Variants in NMS observed in about 807,000 individuals in gnomAD.
NMS encodes neuromedin S.
Under a neutral mutation model 32.2 loss-of-function variants are expected in NMS, and 30 were observed. That is an observed-to-expected ratio of 0.93 (90% CI 0.70 to 1.26). The LOEUF is 1.26. Among genes scored for constraint, NMS ranks in the 50% most tolerant of loss-of-function variants. The pLI, the probability that NMS is intolerant of heterozygous loss-of-function variation, is 0.00. For synonymous variants in NMS, 76 were observed against 58.5 expected (o/e 1.30, Z -1.37); for missense variants, 190 against 186.3 (o/e 1.02, Z -0.12).
chr2:100,479,226 T>A, intron 5 of NMS, 127 bp from the exon 6 acceptor site: 1 of 641,202 alleles, frequency 1.6e-6, no homozygotes, highest in Non-Finnish European at 2.5e-6. Context: ...AAAATGGGTT[T>A]TACTCTGAAA....
chr2:100,483,231 A>G (rs981465591), intron 9 of NMS, 21 bp from the exon 10 acceptor site: 3 of 1,610,206 alleles, frequency 1.9e-6, no homozygotes, highest in Non-Finnish European at 1.7e-6. Flanking sequence ...TGAGCAGTGC[A>G]TTTTTCTTTT....
chr2:100,473,481 T>G lies in NMS; in HGVS notation c.133-8T>G. ...CCTTTGATTTGTTTTCTTCATTTTA[T>G]TTTTTAGCAGCTGGCATATTGTCTG... is the stretch of plus-strand genomic sequence containing the variant. On this transcript the variant is annotated splice_polypyrimidine_tract_variant and splice_region_variant and intron_variant, in intron 2 of 9. Transcript: ENST00000376865. 1 of 1,483,050 alleles carries G rather than the reference T, an allele frequency of 6.7e-7. No homozygotes were observed. The highest frequency in any genetic ancestry group is 9.0e-7 in the Non-Finnish European group (1 of 1,106,900). 91.9% of individuals were successfully genotyped at this position (1,483,050 alleles called of 1,614,324 possible).
intron 3 of NMS, among the ~76,000 whole-genome samples, chr2:100,476,826 A>G (rs1677119570): frequency 6.6e-6 from 1 of 152,184 alleles, no homozygotes; most frequent in Non-Finnish European, 1.5e-5. Flanking sequence ...ATTCATGTAG[A>G]AAGCTTTTGG....
chr2:100,476,942 T>G (rs556936143), intron 3 of NMS, among the ~76,000 whole-genome samples: 7 of 152,312 alleles, frequency 4.6e-5, no homozygotes, highest in Non-Finnish European at 1.0e-4. Flanking sequence ...TGTAGTCAGA[T>G]GGTTATTTGC....
chr2:100,470,674 C>A, intron 1 of NMS, 110 bp downstream of exon 1: 1 of 849,722 alleles, frequency 1.2e-6, no homozygotes, highest in South Asian at 1.4e-5. Context: ...TTCTCCCCCG[C>A]CAGACCTTCT....
At position 100,470,599 on chromosome 2, in the gene NMS, A is replaced by C. The variant is rs754795140; in HGVS notation, c.76+35A>C. On this transcript the variant is annotated intron_variant, in intron 1 of 9. Transcript: ENST00000376865. ...GCTTCCTCAGACTCCATCTGGCCTA[A>C]ACTCTGAGGATGTCTGAGACAGACC... is the stretch of plus-strand genomic sequence containing the variant. 21 of 1,526,776 alleles carry C rather than the reference A, an allele frequency of 1.4e-5. No homozygotes were observed. In the South Asian group the frequency reaches 2.1e-4, roughly 15 times the overall value. The allele number at this position is 1,526,776 out of a possible 1,614,324, so 94.6% of individuals were successfully genotyped here. A position where few individuals can be genotyped will look rare whatever the true frequency, so the allele number is the denominator to read the frequency against.
Position 100,472,850 on chromosome 2 carries a change from GGTACCCAATTATTCA to G in NMS, c.132+4_132+18del, listed in dbSNP as rs750270675. The G allele has an allele frequency of 1.9e-5, 31 of 1,601,956 alleles. No individual in the cohort carries two copies. In the African/African-American group the frequency reaches 3.9e-4, roughly 20 times the overall value. The stretch of plus-strand genomic sequence containing the variant: ...ATGGCTTGGATATTGTGCAGCTTGA[GGTACCCAATTATTCA>G]GTAATGTGAGATTTTTGTTTAGTCT... On this transcript the variant is annotated splice_donor_variant and splice_donor_5th_base_variant and intron_variant, in intron 2 of 9. Transcript: ENST00000376865. LOFTEE classifies it high-confidence loss of function.
chr2:100,481,379 G>T (rs1302226849), intron 8 of NMS, among the ~76,000 whole-genome samples: 3 of 152,170 alleles, frequency 2.0e-5, no homozygotes, highest in African/African-American at 7.2e-5. Context: ...GAGGCTGAGA[G>T]CACCAGAGTA....
At chr2:100,471,539 T>C (rs1181338759) in intron 1 of NMS, among the ~76,000 whole-genome samples, 4 of 152,214 alleles carry the variant, frequency 2.6e-5, no homozygotes, top group Non-Finnish European at 4.4e-5. Flanking sequence ...TTTGCTCCAG[T>C]AGAGTCCTGT....
At chr2:100,470,866 G>A (rs1220889700) in intron 1 of NMS, among the ~76,000 whole-genome samples, 1 of 152,194 alleles carries the variant, frequency 6.6e-6, no homozygotes, top group African/African-American at 2.4e-5. Flanking sequence ...GTGAGTTAGG[G>A]GAAGATCCCA....
rs745968319 is a variant in NMS, at chr2:100,483,246, T to A, written c.450-6T>A. ...TGAGCAGTGCATTTTTCTTTTCTTT[T>A]TTTAGGATTCAGTGGTGAAAGAAAG... is the stretch of plus-strand genomic sequence containing the variant. On this transcript the variant is annotated splice_region_variant and splice_polypyrimidine_tract_variant and intron_variant, in intron 9 of 9. Transcript: ENST00000376865. The A allele has an allele frequency of 2.5e-6, 4 of 1,612,448 alleles. No homozygotes were observed. The highest frequency in any genetic ancestry group is 2.2e-5 in the South Asian group (2 of 90,824).
intron 5 of NMS, among the ~76,000 whole-genome samples, chr2:100,478,374 A>G (rs1351435589): frequency 6.6e-6 from 1 of 152,262 alleles, no homozygotes; most frequent in Non-Finnish European, 1.5e-5. Flanking sequence ...TCCTTAAAAA[A>G]GCAAATAACC....
intron 9 of NMS, among the ~76,000 whole-genome samples, chr2:100,482,719 C>T (rs963787359): frequency 1.5e-4 from 23 of 152,180 alleles, no homozygotes; most frequent in Admixed American, 1.2e-3. Context: ...ACCAGGCTCC[C>T]TACAGTGAGA....
chr2:100,477,095 T>C, intron 3 of NMS, 149 bp from the exon 4 acceptor site: 1 of 666,164 alleles, frequency 1.5e-6, no homozygotes, highest in East Asian at 2.7e-5. Context: ...CTCATTAAAT[T>C]TACGTAATAA....
chr2:100,479,235 A>C, intron 5 of NMS, 118 bp from the exon 6 acceptor site: 1 of 696,182 alleles, frequency 1.4e-6, no homozygotes. Context: ...TTTACTCTGA[A>C]AATTAAACCC....
chr2:100,482,190 G>A, intron 8 of NMS, 87 bp from the exon 9 acceptor site: 5 of 1,313,772 alleles, frequency 3.8e-6, no homozygotes, highest in South Asian at 1.2e-5. Context: ...TGAGGCCTTA[G>A]GGTTCAACAG....
At position 100,482,327 on chromosome 2, in the gene NMS, T is replaced by C. The variant is rs1361204465; in HGVS notation, c.449+16T>C. 6.2e-7 allele frequency: 1 copy of C among 1,612,558 alleles called. No individual in the cohort carries two copies. Among genetic ancestry groups the C allele is most frequent in the Non-Finnish European group, 8.5e-7 (1 of 1,178,868 alleles). ...ATGAGGCCCAGTAGGTAGTCCAAGATCAGCTTCATCACCCTTTTTCTCTTT... is the reference window on the plus strand; with the variant it reads ...ATGAGGCCCAGTAGGTAGTCCAAGACCAGCTTCATCACCCTTTTTCTCTTT... On this transcript the variant is annotated intron_variant, in intron 9 of 9. Coordinates refer to ENST00000376865, the MANE Select transcript of NMS (RefSeq NM_001011717.1).
chr2:100,473,905 T>C lies in NMS; in HGVS notation c.183+366T>C, dbSNP rs538224657. ...AGACTTTACAGTAACTAGTTGGGCC[T>C]GGTGGCTCACACCTGTAATCCCAGC... On this transcript the variant is annotated intron_variant, in intron 3 of 9. Coordinates refer to ENST00000376865, the MANE Select transcript of NMS (RefSeq NM_001011717.1). 3.5e-4 allele frequency among the ~76,000 whole-genome samples: 53 copies of C among 152,252 alleles called. No homozygotes were observed. In the South Asian group the frequency reaches 0.011, roughly 30 times the overall value.
intron 1 of NMS, among the ~76,000 whole-genome samples, chr2:100,472,272 T>C (rs1034959902): frequency 1.3e-5 from 2 of 152,156 alleles, no homozygotes; most frequent in Non-Finnish European, 2.9e-5. Flanking sequence ...GAAGAGGAGT[T>C]CATTGAAGTT....
Sources: gnomAD v4.1 joint callset for allele counts (sites outside exome capture counted in the v4.1 genomes callset) on GRCh38, gnomAD v4.1.1 for gene constraint, MANE v1.5 for transcripts, NCBI Gene and HGNC (gene_info 2026-07-23, HGNC 2026-07-21) for gene names.